RAB11FIP3: variants seen among roughly 807,000 people sequenced by gnomAD.
RAB11FIP3 encodes the protein RAB11 family interacting protein 3.
RAB11FIP3 carries 17 observed loss-of-function variants against 77.8 expected under a neutral mutation model. The ratio of observed to expected loss-of-function variants is 0.22; its 90% CI spans 0.15 to 0.33. RAB11FIP3 has a LOEUF of 0.33. RAB11FIP3 is among the 10% of genes least tolerant of loss of function. The pLI is 1.00. For missense variants in RAB11FIP3, 1,005 were observed against 1,011.2 expected, an observed-to-expected ratio of 0.99 and a Z score of 0.08; for synonymous variants, 437 against 448.2, an observed-to-expected ratio of 0.98 and a Z score of 0.31.
chr16:444,794 G>A (rs1214641377), intron 1 of RAB11FIP3, among the ~76,000 whole-genome samples: 1 of 151,614 alleles, frequency 6.6e-6, no homozygotes, highest in Non-Finnish European at 1.5e-5. Context: ...AGACCAGCCT[G>A]GCCAACATAG....
Position 498,538 on chromosome 16 carries a change from ACAGTCTTGCT to A in RAB11FIP3, c.1301+1681_1301+1690del, listed in dbSNP as rs1476527113. ...TTCTTGGCTTTCTTTTCTTTTTGAG[ACAGTCTTGCT>A]CTGTCTTGCTCTGTGAAGTGACATC... is the stretch of plus-strand genomic sequence containing the variant. On this transcript the variant is annotated intron_variant, in intron 6 of 13. Coordinates refer to ENST00000262305, the MANE Select transcript of RAB11FIP3 (RefSeq NM_014700.4). Among the ~76,000 whole-genome samples the A allele has an allele frequency of 3.3e-5, 5 of 151,922 alleles. No individual in the cohort carries two copies. The East Asian group carries it at 9.6e-4, about 29-fold the overall frequency.
rs1411501945 is a variant in RAB11FIP3, at chr16:431,981, TCTC to T, written c.714+5264_714+5266del. On this transcript the variant is annotated intron_variant, in intron 1 of 13. Transcript: ENST00000262305. ...ACCGTGTTAGCCAGTATGGTCTTGA[TCTC>T]CTGACCGCATGATCCGCCCACCTCG... 5.3e-5 allele frequency among the ~76,000 whole-genome samples: 8 copies of T among 152,096 alleles called. No homozygotes were observed. The East Asian group carries it at 1.4e-3, about 26-fold the overall frequency.
chr16:457,884 C>T (rs947860064), intron 1 of RAB11FIP3, among the ~76,000 whole-genome samples: 2 of 152,192 alleles, frequency 1.3e-5, no homozygotes, highest in African/African-American at 4.8e-5. Flanking sequence ...CTCTCACATT[C>T]TTAGGAATGA....
intron 1 of RAB11FIP3, among the ~76,000 whole-genome samples, chr16:455,682 A>G (rs2055492013): frequency 6.6e-6 from 1 of 151,822 alleles, no homozygotes; most frequent in Non-Finnish European, 1.5e-5. Context: ...TGCAGCCTCA[A>G]CCTCCCAGGC....
chr16:518,119 A>C (rs1174780944), intron 9 of RAB11FIP3, among the ~76,000 whole-genome samples: 1 of 152,228 alleles, frequency 6.6e-6, no homozygotes, highest in Non-Finnish European at 1.5e-5. Context: ...TTGCTTTGTC[A>C]CTAGGCTGGA....
intron 5 of RAB11FIP3, among the ~76,000 whole-genome samples, chr16:489,749 AG>A (rs896119087): frequency 6.6e-6 from 1 of 152,212 alleles, no homozygotes; most frequent in African/African-American, 2.4e-5. Context: ...ACTGAGGCCC[AG>A]GGAACCTGGG....
chr16:496,617 C>G (rs903165731), intron 5 of RAB11FIP3, among the ~76,000 whole-genome samples: 1 of 152,236 alleles, frequency 6.6e-6, no homozygotes, highest in Non-Finnish European at 1.5e-5. Flanking sequence ...AGTAACGAGA[C>G]GTATGCGGCC....
intron 2 of RAB11FIP3, among the ~76,000 whole-genome samples, chr16:462,378 C>G (rs1357053205): frequency 6.6e-6 from 1 of 152,138 alleles, no homozygotes; most frequent in Non-Finnish European, 1.5e-5. Flanking sequence ...CTCACCTCTA[C>G]TAAAAATACA....
At chr16:517,146 G>A (rs531249109) in intron 9 of RAB11FIP3, among the ~76,000 whole-genome samples, 6 of 152,328 alleles carry the variant, frequency 3.9e-5, no homozygotes, top group Middle Eastern at 3.4e-3. Flanking sequence ...GTCTAATTGC[G>A]AGAAAACACC....
Position 517,055 on chromosome 16 carries a change from G to A in RAB11FIP3, c.1641-1888G>A, listed in dbSNP as rs146416873. ...ACCTTGGCCAGGTGATCAGAAAGCC[G>A]TGCGGACGTCAGGACCCTGATACGG... On this transcript the variant is annotated intron_variant, in intron 9 of 13. Coordinates refer to ENST00000262305, the MANE Select transcript of RAB11FIP3 (RefSeq NM_014700.4). Among the ~76,000 whole-genome samples, 34 of 152,302 alleles carry A rather than the reference G, an allele frequency of 2.2e-4. No homozygotes were observed. In the East Asian group the frequency reaches 5.8e-3, roughly 26 times the overall value.
chr16:471,232 C>A lies in RAB11FIP3; in HGVS notation c.809-63C>A. ...TCCTTCCCAGGGAGTCCCGAGGCCG[C>A]CAGGGGTCCCGTCACTGGGTGGCTA... On this transcript the variant is annotated intron_variant, in intron 2 of 13. Coordinates refer to ENST00000262305, the MANE Select transcript of RAB11FIP3 (RefSeq NM_014700.4). The surrounding 1 kb of genome is among the most constrained non-coding windows in gnomAD (Gnocchi z 4.4). 5.5e-6 allele frequency: 8 copies of A among 1,462,514 alleles called. No individual in the cohort carries two copies. The highest frequency in any genetic ancestry group is 7.6e-6 in the Non-Finnish European group (8 of 1,049,680). 90.6% of individuals were successfully genotyped at this position (1,462,514 alleles called of 1,614,324 possible). A position where few individuals can be genotyped will look rare whatever the true frequency, so the allele number is the denominator to read the frequency against.
intron 2 of RAB11FIP3, among the ~76,000 whole-genome samples, chr16:464,762 G>A (rs539110524): frequency 1.1e-4 from 16 of 152,158 alleles, no homozygotes; most frequent in Non-Finnish European, 2.4e-4. Flanking sequence ...GCATTGTGGC[G>A]TATGCCTGTA....
rs562469289 is a variant in RAB11FIP3, at chr16:491,358, C to T, written c.1265+2358C>T. 420 of 1,216,616 alleles carry T rather than the reference C, an allele frequency of 3.5e-4. 1 individual carries two copies. Among genetic ancestry groups the T allele is most frequent in the South Asian group, 2.8e-3 (205 of 73,752 alleles). 75.4% of individuals were successfully genotyped at this position (1,216,616 alleles called of 1,614,324 possible). A position where few individuals can be genotyped will look rare whatever the true frequency, so the allele number is the denominator to read the frequency against. ...GCCCCCTTGAGGGCCTGCCCCGAGG[C>T]GACCAGGAGCCTCTCAGGCAGCGGG... On this transcript the variant is annotated intron_variant, in intron 5 of 13. Coordinates refer to ENST00000262305, the MANE Select transcript of RAB11FIP3 (RefSeq NM_014700.4).
chr16:487,548 G>A (rs1484337681), intron 4 of RAB11FIP3, among the ~76,000 whole-genome samples: 3 of 152,200 alleles, frequency 2.0e-5, no homozygotes, highest in Non-Finnish European at 2.9e-5. Flanking sequence ...GGGTCCGGGC[G>A]GAGCAGAGCG....
At chr16:508,069 C>G (rs571736651) in intron 8 of RAB11FIP3, among the ~76,000 whole-genome samples, 1 of 152,352 alleles carries the variant, frequency 6.6e-6, no homozygotes, top group African/African-American at 2.4e-5. Context: ...GAGTATGTCA[C>G]TGATAGTTGC....
intron 4 of RAB11FIP3, among the ~76,000 whole-genome samples, chr16:486,591 G>A (rs1456751248): frequency 1.3e-5 from 2 of 152,242 alleles, no homozygotes; most frequent in African/African-American, 2.4e-5. Context: ...CTCATCTTCT[G>A]TGGACCGTGG....
At chr16:520,342 G>A in intron 12 of RAB11FIP3, 65 bp downstream of exon 12, 2 of 1,564,932 alleles carry the variant, frequency 1.3e-6, no homozygotes, top group African/African-American at 1.3e-5. Flanking sequence ...TGGTTGGGAA[G>A]GGGGGGCCGT....
intron 1 of RAB11FIP3, among the ~76,000 whole-genome samples, chr16:432,902 C>T (rs1046760120): frequency 6.6e-6 from 1 of 151,358 alleles, no homozygotes; most frequent in Non-Finnish European, 1.5e-5. Flanking sequence ...TTGCCCCTAG[C>T]CTGAGCTGTT....
intron 10 of RAB11FIP3, 107 bp from the exon 11 acceptor site, chr16:519,647 G>T: frequency 1.4e-6 from 2 of 1,452,784 alleles, no homozygotes; most frequent in Non-Finnish European, 1.9e-6. Flanking sequence ...GGGCGCCACC[G>T]CGTTGCTGTT....
Sources: allele counts gnomAD v4.1 joint callset (sites outside exome capture counted in the v4.1 genomes callset), GRCh38; gene constraint gnomAD v4.1.1; non-coding constraint Gnocchi (gnomAD v3.1); transcripts MANE v1.5; gene names NCBI Gene and HGNC (gene_info 2026-07-23, HGNC 2026-07-21).